Variants in RUNX1 observed in about 807,000 individuals in gnomAD.
RUNX1 encodes the protein runt-related transcription factor 1.
A neutral mutation model predicts 42.8 loss-of-function variants in RUNX1; 19 were observed. The ratio of observed to expected loss-of-function variants is 0.44; its 90% CI spans 0.31 to 0.65. The LOEUF (loss-of-function observed/expected upper bound fraction) is 0.65, where lower values mean the gene tolerates loss of function less well. Among genes scored for constraint, RUNX1 ranks in the 30% least tolerant of loss-of-function variants. The pLI is 0.07. For missense variants in RUNX1, 528 were observed against 672.0 expected (o/e 0.79, Z 2.37); for synonymous variants, 271 against 289.4 (o/e 0.94, Z 0.64).
chr21:34,900,425 T>G (rs1469574948), intron 2 of RUNX1, among the ~76,000 whole-genome samples: 1 of 152,214 alleles, frequency 6.6e-6, no homozygotes, highest in Non-Finnish European at 1.5e-5. Context: ...TGAGCTGTTT[T>G]TAAACTGCTG....
chr21:34,935,694 T>A (rs1044446078), intron 2 of RUNX1, among the ~76,000 whole-genome samples: 3 of 152,042 alleles, frequency 2.0e-5, no homozygotes, highest in Admixed American at 1.3e-4. Flanking sequence ...TGTAGGATGT[T>A]TTGGCTCATC....
rs2146454210 is a variant in RUNX1, at chr21:34,892,930, A to G, written c.92T>C (p.Val31Ala). Residue 31 changes from valine (V) to alanine (A), a missense_variant, in exon 3 of 9, where the codon GTC becomes GCC. Coordinates refer to ENST00000675419, the MANE Select transcript of RUNX1 (RefSeq NM_001754.5). The stretch of plus-strand genomic sequence containing the variant: ...TAACTTGGAATTTAACATACCGTGG[A>G]CGTCTCTAGAAGGATTCATTCCAAG... ...CILGMNPSRDVHDASTSRRFT... is the reference protein window; with the variant it reads ...CILGMNPSRDAHDASTSRRFT... 1.9e-6 allele frequency: 3 copies of G among 1,560,454 alleles called. No homozygotes were observed. Among genetic ancestry groups the G allele is most frequent in the Non-Finnish European group, 2.7e-6 (3 of 1,132,054 alleles).
chr21:34,942,509 T>C (rs1348868032), intron 2 of RUNX1, among the ~76,000 whole-genome samples: 2 of 152,200 alleles, frequency 1.3e-5, no homozygotes, highest in Non-Finnish European at 2.9e-5. Flanking sequence ...CAAGTGTCCA[T>C]TATTGCTCTA....
At chr21:34,908,224 G>T (rs2058240678) in intron 2 of RUNX1, among the ~76,000 whole-genome samples, 1 of 152,142 alleles carries the variant, frequency 6.6e-6, no homozygotes, top group Non-Finnish European at 1.5e-5. Context: ...TCTCCAAGAA[G>T]AGATACAGAG....
chr21:34,963,491 A>G (rs899998204), intron 2 of RUNX1, among the ~76,000 whole-genome samples: 2 of 152,156 alleles, frequency 1.3e-5, no homozygotes, highest in Non-Finnish European at 2.9e-5. Flanking sequence ...CTGAACCTCA[A>G]TGTTTTCAAA....
chr21:34,790,031 G>A lies in RUNX1; in HGVS notation c.*2104C>T, dbSNP rs1490061159. 1 of 232,704 alleles carries A rather than the reference G, an allele frequency of 4.3e-6. No homozygotes were observed. Among genetic ancestry groups the A allele is most frequent in the East Asian group, 6.1e-5 (1 of 16,494 alleles). 14.4% of individuals were successfully genotyped at this position (232,704 alleles called of 1,614,324 possible). A position where few individuals can be genotyped will look rare whatever the true frequency, so the allele number is the denominator to read the frequency against. ...GCTGACATTTTATGGTAATTTAGCT[G>A]CAAAAATGTAATACGGAATAATATA... On this transcript the variant is annotated 3_prime_UTR_variant, in exon 9 of 9. Coordinates refer to ENST00000675419, the MANE Select transcript of RUNX1 (RefSeq NM_001754.5).
chr21:34,865,279 CGTGTGTGTGT>C (rs61238560), intron 5 of RUNX1, among the ~76,000 whole-genome samples: 5,721 of 132,426 alleles, frequency 0.043, 133 homozygotes, highest in South Asian at 0.059. Flanking sequence ...GGGTTTTGTG[CGTGTGTGTGT>C]GTGTGTGTGT....
chr21:34,813,395 G>C (rs867835637), intron 7 of RUNX1, among the ~76,000 whole-genome samples: 1 of 152,192 alleles, frequency 6.6e-6, no homozygotes, highest in South Asian at 2.1e-4. Context: ...ATCGGGGAAA[G>C]CTAACACAGC....
At chr21:34,869,512 G>C (rs1422211032) in intron 5 of RUNX1, among the ~76,000 whole-genome samples, 3 of 152,132 alleles carry the variant, frequency 2.0e-5, no homozygotes, top group Non-Finnish European at 4.4e-5. Flanking sequence ...CAATGGGTTC[G>C]GTGTAATCTA....
chr21:34,881,336 C>T (rs372429989), intron 4 of RUNX1, among the ~76,000 whole-genome samples: 3 of 152,268 alleles, frequency 2.0e-5, no homozygotes, highest in Non-Finnish European at 4.4e-5. Context: ...ATCTTGCTGA[C>T]GATTCTTAAG....
intron 5 of RUNX1, among the ~76,000 whole-genome samples, chr21:34,871,734 C>T (rs894044308): frequency 2.0e-5 from 3 of 152,174 alleles, no homozygotes; most frequent in East Asian, 3.9e-4. Context: ...TTGGTCCTGT[C>T]TCCCCTCCTG....
At chr21:34,821,450 C>G in intron 7 of RUNX1, 2 of 1,365,822 alleles carry the variant, frequency 1.5e-6, no homozygotes, top group South Asian at 3.7e-5. Context: ...CTCATTTAAT[C>G]CTCACAATTG....
intron 2 of RUNX1, among the ~76,000 whole-genome samples, chr21:35,013,775 T>C (rs1214590423): frequency 6.6e-6 from 1 of 152,192 alleles, no homozygotes; most frequent in East Asian, 1.9e-4. Flanking sequence ...AAAGATTATG[T>C]TCAGAGATGT....
chr21:34,947,778 G>A (rs1029350709), intron 2 of RUNX1, among the ~76,000 whole-genome samples: 5 of 152,182 alleles, frequency 3.3e-5, no homozygotes, highest in Non-Finnish European at 7.3e-5. Context: ...CAGCTGTGCT[G>A]TCTACGAACC....
At chr21:35,012,245 T>C (rs1440283600) in intron 2 of RUNX1, among the ~76,000 whole-genome samples, 2 of 152,144 alleles carry the variant, frequency 1.3e-5, no homozygotes, top group African/African-American at 2.4e-5. Flanking sequence ...CGTGATGAAA[T>C]TTCCAAGACC....
intron 5 of RUNX1, among the ~76,000 whole-genome samples, chr21:34,874,610 C>CAAA (rs59950735): frequency 0.17 from 4,176 of 25,240 alleles, 1,231 homozygotes; most frequent in African/African-American, 0.45. Context: ...AACTCTGTCT[C>CAAA]AAAAAAAAAA....
intron 2 of RUNX1, among the ~76,000 whole-genome samples, chr21:34,998,688 C>CCCG (rs1555913848): frequency 5.5e-4 from 84 of 152,194 alleles, no homozygotes; most frequent in African/African-American, 1.9e-3. Context: ...ACTACAGGCA[C>CCCG]CCGCCACCAT....
intron 2 of RUNX1, among the ~76,000 whole-genome samples, chr21:35,021,140 GAA>G (rs1407609606): frequency 5.9e-5 from 9 of 152,156 alleles, no homozygotes; most frequent in African/African-American, 2.2e-4. Flanking sequence ...AAGTAAAATT[GAA>G]CCATGGAGCC....
intron 2 of RUNX1, among the ~76,000 whole-genome samples, chr21:35,042,135 G>A (rs1424254765): frequency 6.6e-6 from 1 of 152,116 alleles, no homozygotes; most frequent in Non-Finnish European, 1.5e-5. Flanking sequence ...TTGAGGAGAC[G>A]CTCAAGTGTG....
Sources: allele counts gnomAD v4.1 joint callset (sites outside exome capture counted in the v4.1 genomes callset), GRCh38; gene constraint gnomAD v4.1.1; transcripts MANE v1.5; gene names NCBI Gene and HGNC (gene_info 2026-07-23, HGNC 2026-07-21).